NOVA2: variants seen among roughly 807,000 people sequenced by gnomAD.
The protein encoded by NOVA2 is RNA-binding protein Nova-2.
Under a neutral mutation model 22.5 loss-of-function variants are expected in NOVA2, and 9 were observed. The ratio of observed to expected loss-of-function variants is 0.40; its 90% CI spans 0.24 to 0.70. NOVA2 has a LOEUF of 0.70. Ranked by LOEUF, NOVA2 falls within the 30% of genes least tolerant of loss-of-function variation. The probability of loss-of-function intolerance (pLI) is 0.38; values close to 1 mark genes in which losing one functional copy is unlikely to be tolerated. For synonymous variants in NOVA2, 318 were observed against 335.2 expected (o/e 0.95, Z 0.56); for missense variants, 383 against 682.8 (o/e 0.56, Z 4.89).
At chr19:45,952,482 A>G (rs747595104) in intron 3 of NOVA2, among the ~76,000 whole-genome samples, 42 of 152,222 alleles carry the variant, frequency 2.8e-4, no homozygotes, top group Non-Finnish European at 6.0e-4. Flanking sequence ...TCCTGGTTCT[A>G]TAACCTTTCG....
At chr19:45,960,693 C>T (rs1968081952) in intron 2 of NOVA2, among the ~76,000 whole-genome samples, 1 of 152,092 alleles carries the variant, frequency 6.6e-6, no homozygotes, top group Non-Finnish European at 1.5e-5. Context: ...CTGACACCTG[C>T]CTCCCTCCCC....
chr19:45,954,009 C>T (rs1359019578), intron 2 of NOVA2, 63 bp from the exon 3 acceptor site: 2 of 1,561,720 alleles, frequency 1.3e-6, no homozygotes, highest in Non-Finnish European at 8.8e-7. Flanking sequence ...TCCTGAGAGA[C>T]AGGCCCCATT....
chr19:45,973,554 G>T lies in NOVA2; in HGVS notation c.-203C>A, dbSNP rs1159764599. 3 of 77,474 alleles carry T rather than the reference G, an allele frequency of 3.9e-5. No individual in the cohort carries two copies. Among genetic ancestry groups the T allele is most frequent in the Admixed American group, 3.3e-4 (3 of 9,230 alleles). The allele number at this position is 77,474 out of a possible 1,614,324, so 4.8% of individuals were successfully genotyped here. On this transcript the variant is annotated 5_prime_UTR_variant, in exon 1 of 4. Coordinates refer to ENST00000263257, the MANE Select transcript of NOVA2 (RefSeq NM_002516.4). The stretch of plus-strand genomic sequence containing the variant: ...GGCCATCATCCTCATGGTGGGGGGG[G>T]GCGGGGGGCGGGGGGCGGGGGAGGG...
chr19:45,956,520 G>T (rs1363836493), intron 2 of NOVA2, among the ~76,000 whole-genome samples: 1 of 151,908 alleles, frequency 6.6e-6, no homozygotes, highest in Non-Finnish European at 1.5e-5. Context: ...GCCCAGGCTG[G>T]AGTGCAGCGG....
rs1329646289 is a variant in NOVA2 at position 45,960,462 on chromosome 19, A to AGAGAGATGG, written c.229+539_229+547dup. On this transcript the variant is annotated intron_variant, in intron 2 of 3. Coordinates refer to ENST00000263257, the MANE Select transcript of NOVA2 (RefSeq NM_002516.4). ...AGATGGGGGGTATCCAAACAGAACC[A>AGAGAGATGG]GAGAGATGGACAGAGAGGCAGACAG... 7.9e-5 allele frequency among the ~76,000 whole-genome samples: 12 copies of AGAGAGATGG among 152,104 alleles called. No individual in the cohort carries two copies. In the East Asian group the frequency reaches 1.4e-3, roughly 17 times the overall value.
intron 2 of NOVA2, among the ~76,000 whole-genome samples, chr19:45,955,808 A>T (rs906515625): frequency 1.5e-4 from 23 of 151,994 alleles, no homozygotes; most frequent in African/African-American, 5.6e-4. Context: ...CAGTGAGCCG[A>T]GATCATGCTA....
At chr19:45,944,210 G>A (rs2146409546) in intron 3 of NOVA2, among the ~76,000 whole-genome samples, 1 of 152,264 alleles carries the variant, frequency 6.6e-6, no homozygotes, top group East Asian at 1.9e-4. Context: ...GGAAGCTGAG[G>A]CAGGGTGAAT....
chr19:45,952,222 A>C (rs1230225340), intron 3 of NOVA2, among the ~76,000 whole-genome samples: 3 of 152,190 alleles, frequency 2.0e-5, no homozygotes, highest in African/African-American at 7.2e-5. Flanking sequence ...TGCATTATAC[A>C]CATAAGCTAT....
At chr19:45,961,719 T>G (rs114216996) in intron 1 of NOVA2, among the ~76,000 whole-genome samples, 218 of 152,328 alleles carry the variant, frequency 1.4e-3, no homozygotes, top group African/African-American at 5.0e-3. Flanking sequence ...GAACCCATCA[T>G]ACAGATGAGG....
At chr19:45,951,914 C>T (rs980722372) in intron 3 of NOVA2, among the ~76,000 whole-genome samples, 1 of 152,148 alleles carries the variant, frequency 6.6e-6, no homozygotes, top group Non-Finnish European at 1.5e-5. Flanking sequence ...TTCATGTTCC[C>T]AAAGTGCAAT....
intron 2 of NOVA2, among the ~76,000 whole-genome samples, chr19:45,956,356 T>C (rs1968005886): frequency 6.6e-6 from 1 of 152,156 alleles, no homozygotes; most frequent in South Asian, 2.1e-4. Context: ...CATCCCCTTG[T>C]AGTTTTTACA....
chr19:45,964,179 CTTTTTT>C (rs10555207), intron 1 of NOVA2, among the ~76,000 whole-genome samples: 11,039 of 106,990 alleles, frequency 0.1, 1,157 homozygotes, highest in African/African-American at 0.27. Context: ...TTTTCTTTTT[CTTTTTT>C]TTTTTTTTTT....
chr19:45,964,561 A>ATCTGTCTCTC (rs1555806792), intron 1 of NOVA2, among the ~76,000 whole-genome samples: 1 of 137,002 alleles, frequency 7.3e-6, no homozygotes, highest in Non-Finnish European at 1.5e-5. Context: ...ACACTCTCTG[A>ATCTGTCTCTC]TCTCTCTCTC....
chr19:45,942,839 A>G (rs1967780083), intron 3 of NOVA2, among the ~76,000 whole-genome samples: 1 of 152,024 alleles, frequency 6.6e-6, no homozygotes, highest in South Asian at 2.1e-4. Context: ...CTCCGAGAGC[A>G]TTTCTACACA....
chr19:45,959,608 G>A (rs958009129), intron 2 of NOVA2, among the ~76,000 whole-genome samples: 5 of 151,976 alleles, frequency 3.3e-5, no homozygotes, highest in African/African-American at 9.7e-5. Flanking sequence ...AGAAAAGGAG[G>A]AGGTGTGCCT....
intron 3 of NOVA2, among the ~76,000 whole-genome samples, chr19:45,948,926 G>C (rs1296792513): frequency 6.6e-6 from 1 of 152,164 alleles, no homozygotes; most frequent in Non-Finnish European, 1.5e-5. Context: ...TGTGGTCTAT[G>C]CATACAATGA....
chr19:45,973,358 G>C lies in NOVA2; in HGVS notation c.-7C>G, dbSNP rs745350202. 1 of 1,028,876 alleles carries C rather than the reference G, an allele frequency of 9.7e-7. No homozygotes were observed. The highest frequency in any genetic ancestry group is 1.2e-6 in the Non-Finnish European group (1 of 803,876). The allele number at this position is 1,028,876 out of a possible 1,614,324, so 63.7% of individuals were successfully genotyped here. A position where few individuals can be genotyped will look rare whatever the true frequency, so the allele number is the denominator to read the frequency against. The stretch of plus-strand genomic sequence containing the variant: ...CCGGGGCCTCGGGCTCCATGGGGGG[G>C]GCCTGGGGCGGCGGCTGCTGCTGCT... On this transcript the variant is annotated 5_prime_UTR_variant, in exon 1 of 4. Transcript: ENST00000263257.
chr19:45,965,906 T>C lies in NOVA2; in HGVS notation c.86-4753A>G, dbSNP rs1046187418. On this transcript the variant is annotated intron_variant, in intron 1 of 3. Coordinates refer to ENST00000263257, the MANE Select transcript of NOVA2 (RefSeq NM_002516.4). ...ATGTAAGGAAAGGTACTTCGGATGG[T>C]CCCAGGCACATAGAAGATTTGAGAA... is the stretch of plus-strand genomic sequence containing the variant. Among the ~76,000 whole-genome samples the C allele has an allele frequency of 2.0e-5, 3 of 152,172 alleles. No individual in the cohort carries two copies. In the South Asian group the frequency reaches 6.2e-4, roughly 31 times the overall value.
Position 45,937,558 on chromosome 19 carries a change from G to C in NOVA2, c.*2305C>G, listed in dbSNP as rs1289030585. 1 of 152,234 alleles carries C rather than the reference G, an allele frequency of 6.6e-6. No individual in the cohort carries two copies. The highest frequency in any genetic ancestry group is 1.5e-5 in the Non-Finnish European group (1 of 68,074). 9.4% of individuals were successfully genotyped at this position (152,234 alleles called of 1,614,324 possible). A position where few individuals can be genotyped will look rare whatever the true frequency, so the allele number is the denominator to read the frequency against. On this transcript the variant is annotated 3_prime_UTR_variant, in exon 4 of 4. Transcript: ENST00000263257. ...GAGCCGCCCCCACCTCTAACCCCAA[G>C]AGCCCCCAACGGTAGTAGAAGATAT...
Sources: gnomAD v4.1 joint callset for allele counts (sites outside exome capture counted in the v4.1 genomes callset) on GRCh38, gnomAD v4.1.1 for gene constraint, MANE v1.5 for transcripts, NCBI Gene and HGNC (gene_info 2026-07-23, HGNC 2026-07-21) for gene names.